Variants in PUM3 observed in about 807,000 individuals in gnomAD.
PUM3 encodes the protein pumilio homolog 3.
A neutral mutation model predicts 84.0 loss-of-function variants in PUM3; 91 were observed. The ratio of observed to expected loss-of-function variants is 1.08; its 90% CI spans 0.91 to 1.29. The LOEUF (loss-of-function observed/expected upper bound fraction) is 1.29, where lower values mean the gene tolerates loss of function less well. Ranked by LOEUF, PUM3 falls within the 50% of genes most tolerant of loss-of-function variation. The probability of loss-of-function intolerance (pLI) is 0.00; values close to 1 mark genes in which losing one functional copy is unlikely to be tolerated. For synonymous variants in PUM3, 321 were observed against 266.7 expected (o/e 1.20, Z -1.98); for missense variants, 1,067 against 767.5 (o/e 1.39, Z -4.61).
At chr9:2,827,022 A>C in intron 10 of PUM3, 51 bp downstream of exon 10, 13 of 1,445,248 alleles carry the variant, frequency 9.0e-6, no homozygotes, top group Middle Eastern at 1.7e-4. Context: ...TCAAATTTCT[A>C]CACCGCTCCT....
At chr9:2,831,424 ATTTCTTGTT>A in intron 5 of PUM3, 80 bp from the exon 6 acceptor site, 2 of 878,988 alleles carry the variant, frequency 2.3e-6, no homozygotes, top group Admixed American at 2.5e-5. Context: ...CTCTTCTGGA[ATTTCTTGTT>A]AGAAAAAAAG....
intron 13 of PUM3, among the ~76,000 whole-genome samples, chr9:2,813,133 C>T (rs377510659): frequency 2.0e-5 from 3 of 152,338 alleles, no homozygotes; most frequent in African/African-American, 7.2e-5. Flanking sequence ...TTACAAATTA[C>T]ACTATATGAC....
rs74556436 is a variant in PUM3 at position 2,818,194 on chromosome 9, C to G, written c.1269+1824G>C. Among the ~76,000 whole-genome samples, 491 of 152,272 alleles carry G rather than the reference C, an allele frequency of 3.2e-3. 6 individuals carry two copies. The highest frequency in any genetic ancestry group is 0.024 in the Admixed American group (365 of 15,286). On this transcript the variant is annotated intron_variant, in intron 13 of 17. Transcript: ENST00000397885. ...GAAAAATCCAAGGGCAATTAGCATTCCAGAATTTTATCACGAGCTACACAG... is the reference window on the plus strand; with the variant it reads ...GAAAAATCCAAGGGCAATTAGCATTGCAGAATTTTATCACGAGCTACACAG...
intron 16 of PUM3, among the ~76,000 whole-genome samples, chr9:2,808,319 G>A (rs1821302006): frequency 6.6e-6 from 1 of 152,184 alleles, no homozygotes; most frequent in Non-Finnish European, 1.5e-5. Context: ...CACTCACAAG[G>A]TGCCATGAAC....
At chr9:2,810,961 T>C (rs1343831099) in intron 15 of PUM3, among the ~76,000 whole-genome samples, 1 of 152,164 alleles carries the variant, frequency 6.6e-6, no homozygotes, top group Non-Finnish European at 1.5e-5. Context: ...CCTTAGCAAG[T>C]ATGGGAGGCA....
intron 1 of PUM3, among the ~76,000 whole-genome samples, chr9:2,843,615 G>T (rs1367646725): frequency 8.6e-6 from 1 of 116,206 alleles, no homozygotes; most frequent in African/African-American, 3.4e-5. Flanking sequence ...GTCTTGCTCT[G>T]TCTCCCAGGC....
At chr9:2,823,883 G>T (rs774986818) in intron 11 of PUM3, 49 bp from the exon 12 acceptor site, 1 of 899,078 alleles carries the variant, frequency 1.1e-6, no homozygotes, top group South Asian at 1.8e-5. Context: ...TGTATTAAGG[G>T]TATTTTGTAG....
At chr9:2,817,669 C>G (rs1012303232) in intron 13 of PUM3, among the ~76,000 whole-genome samples, 7 of 152,036 alleles carry the variant, frequency 4.6e-5, no homozygotes, top group African/African-American at 1.7e-4. Flanking sequence ...ATAATAAATA[C>G]CAAATTTATC....
intron 12 of PUM3, among the ~76,000 whole-genome samples, chr9:2,822,381 A>G (rs935360892): frequency 5.9e-5 from 9 of 152,092 alleles, no homozygotes; most frequent in African/African-American, 2.2e-4. Flanking sequence ...AAAAGAATAT[A>G]GAATATATCC....
In PUM3 at chr9:2,844,030, G is replaced by C. The variant is rs1228423064; in HGVS notation, c.-11+15C>G. On this transcript the variant is annotated intron_variant, in intron 1 of 17. Coordinates refer to ENST00000397885, the MANE Select transcript of PUM3 (RefSeq NM_014878.5). ...AACCCCTCCCAAGAGCGACCGCTGA[G>C]CCTGCCACACTCACCGCACACGTGG... is the stretch of plus-strand genomic sequence containing the variant. 1.9e-5 allele frequency: 3 copies of C among 155,262 alleles called. No homozygotes were observed. The Admixed American group carries it at 2.0e-4, about 10-fold the overall frequency. 9.6% of individuals were successfully genotyped at this position (155,262 alleles called of 1,614,324 possible). A position where few individuals can be genotyped will look rare whatever the true frequency, so the allele number is the denominator to read the frequency against.
intron 1 of PUM3, among the ~76,000 whole-genome samples, chr9:2,839,548 C>T (rs904800663): frequency 6.6e-6 from 1 of 152,180 alleles, no homozygotes; most frequent in Non-Finnish European, 1.5e-5. Context: ...CTAAAGGATG[C>T]AGGATTTTCC....
In PUM3 at chr9:2,811,381, G is replaced by C. The variant is rs200292238; in HGVS notation, c.1615C>G (p.Pro539Ala). Residue 539 changes from proline to alanine, a missense_variant, in exon 15 of 18, where the codon CCT becomes GCT. Pro to Ala is a conservative substitution (Grantham distance 27). Transcript: ENST00000397885. Reference protein sequence around the residue: ...IASLAATGLHPGGKDGELHIA... With the variant: ...IASLAATGLHAGGKDGELHIA... ...ATTACCTCTCCGTCCTTGCCACCAGGATGCAGTCCTGTTGCTGCCAAGCTG... is the reference window on the plus strand; with the variant it reads ...ATTACCTCTCCGTCCTTGCCACCAGCATGCAGTCCTGTTGCTGCCAAGCTG... 2.5e-6 allele frequency: 4 copies of C among 1,613,906 alleles called. No individual in the cohort carries two copies. The South Asian group carries it at 4.4e-5, about 18-fold the overall frequency.
At chr9:2,830,544 T>C (rs1208762925) in intron 7 of PUM3, among the ~76,000 whole-genome samples, 1 of 152,220 alleles carries the variant, frequency 6.6e-6, no homozygotes, top group Admixed American at 6.5e-5. Context: ...ATTTCTCTTC[T>C]TCCAGAGGTT....
intron 13 of PUM3, among the ~76,000 whole-genome samples, chr9:2,816,084 T>C (rs1055868989): frequency 2.6e-5 from 4 of 151,988 alleles, no homozygotes; most frequent in Non-Finnish European, 5.9e-5. Flanking sequence ...TGGTTGAGGG[T>C]AGAAATGTAA....
intron 10 of PUM3, among the ~76,000 whole-genome samples, chr9:2,825,685 T>C (rs941214765): frequency 5.9e-5 from 9 of 152,208 alleles, no homozygotes; most frequent in Non-Finnish European, 1.3e-4. Context: ...TTTCACCATA[T>C]TGGCCAGGCT....
intron 14 of PUM3, 130 bp from the exon 15 acceptor site, chr9:2,811,713 G>C: frequency 3.0e-6 from 2 of 656,634 alleles, no homozygotes; most frequent in Middle Eastern, 5.3e-4. Flanking sequence ...CTATCTTTCT[G>C]TTAAGCATGT....
In PUM3 at chr9:2,810,414, A is replaced by T. The variant is rs764691995; in HGVS notation, c.1653T>A (p.His551Gln). 6.2e-7 allele frequency: 1 copy of T among 1,608,796 alleles called. No homozygotes were observed. Among genetic ancestry groups the T allele is most frequent in the Non-Finnish European group, 8.5e-7 (1 of 1,177,536 alleles). Residue 551 changes from histidine to glutamine, a missense_variant, in exon 16 of 18, where the codon CAT (histidine) becomes CAA (glutamine). By Grantham distance (24) the His-to-Gln change is conservative (BLOSUM62 0). Coordinates refer to ENST00000397885, the MANE Select transcript of PUM3 (RefSeq NM_014878.5). Reference sequence around the variant, plus strand: ...ACTTCAGAACTAGATGTCCTGCAGGATGTTCTGCAATGTGAAGCTATGAAG... The same window carrying T: ...ACTTCAGAACTAGATGTCCTGCAGGTTGTTCTGCAATGTGAAGCTATGAAG... Reference protein sequence around the residue: ...GKDGELHIAEHPAGHLVLKWL... With the variant: ...GKDGELHIAEQPAGHLVLKWL...
intron 5 of PUM3, among the ~76,000 whole-genome samples, chr9:2,831,969 T>C (rs1437119228): frequency 6.6e-6 from 1 of 152,172 alleles, no homozygotes; most frequent in Non-Finnish European, 1.5e-5. Context: ...TCCTCATGAC[T>C]GTTGGAAGGA....
chr9:2,833,769 C>A (rs923541746), intron 4 of PUM3, among the ~76,000 whole-genome samples: 7 of 152,172 alleles, frequency 4.6e-5, no homozygotes, highest in Non-Finnish European at 8.8e-5. Flanking sequence ...TTCATTTTCT[C>A]AGAAATCTCT....
Sources: allele counts gnomAD v4.1 joint callset (sites outside exome capture counted in the v4.1 genomes callset), GRCh38; gene constraint gnomAD v4.1.1; transcripts MANE v1.5; gene names NCBI Gene and HGNC (gene_info 2026-07-23, HGNC 2026-07-21).